The following CFAP57 variants were observed in gnomAD, a reference collection of about 807,000 sequenced individuals.
CFAP57 encodes the protein cilia and flagella associated protein 57, also known as cilia- and flagella-associated protein 57.
In CFAP57, 116 loss-of-function variants were observed where a neutral mutation model predicts 146.8. The observed-to-expected ratio is 0.79, with a 90% CI of 0.68 to 0.92. The LOEUF (loss-of-function observed/expected upper bound fraction) is 0.92. Among genes scored for constraint, CFAP57 ranks in the 40% least tolerant of loss-of-function variants. The probability of loss-of-function intolerance (pLI) is 0.00; values close to 1 mark genes in which losing one functional copy is unlikely to be tolerated. For synonymous variants in CFAP57, 518 were observed against 552.8 expected (o/e 0.94, Z 0.88); for missense variants, 1,377 against 1,527.2 (o/e 0.90, Z 1.64).
In CFAP57 at chr1:43,254,193, C is replaced by T. The variant is rs777014995; in HGVS notation, c.*2C>T. The T allele has an allele frequency of 1.3e-6, 2 of 1,545,678 alleles. No homozygotes were observed. Among genetic ancestry groups the T allele is most frequent in the South Asian group, 1.2e-5 (1 of 83,736 alleles). On this transcript the variant is annotated 3_prime_UTR_variant, in exon 23 of 23. Coordinates refer to ENST00000372492, the MANE Select transcript of CFAP57 (RefSeq NM_001378189.1). ...GACTTAGAGGTGAAGACCAACTGAC[C>T]CCCTCTGGTGAGCCATCTCCAGCCA...
In CFAP57 at chr1:43,185,277, G is replaced by C. The variant is rs376767106; in HGVS notation, c.890G>C (p.Cys297Ser). Residue 297 changes from cysteine (C) to serine (S), a missense_variant, in exon 5 of 23, where the codon TGT (cysteine) becomes TCT (serine). Cys to Ser is a moderately radical substitution (Grantham distance 112). Coordinates refer to ENST00000372492, the MANE Select transcript of CFAP57 (RefSeq NM_001378189.1). ...GCAGCCTATTCAAAGGGATTTGCCTGTTCTGCTGGGCCAGGGAGAGTTCTG... is the reference window on the plus strand; with the variant it reads ...GCAGCCTATTCAAAGGGATTTGCCTCTTCTGCTGGGCCAGGGAGAGTTCTG... Reference protein sequence around the residue: ...AIAAYSKGFACSAGPGRVLLF... With the variant: ...AIAAYSKGFASSAGPGRVLLF... The C allele has an allele frequency of 7.4e-6, 12 of 1,614,034 alleles. No individual in the cohort carries two copies. Among genetic ancestry groups the C allele is most frequent in the Non-Finnish European group, 1.0e-5 (12 of 1,180,050 alleles).
Position 43,253,983 on chromosome 1 carries a change from G to T in CFAP57, c.3545G>T (p.Ser1182Ile). 6.4e-7 allele frequency: 1 copy of T among 1,550,566 alleles called. No individual in the cohort carries two copies. ...GTCCTGTTGTCTCTTACAGAACCCA[G>T]CAGGGACATGCTCAGCACAGCTCCC... ...RPQEVSETEP[S>I]RDMLSTAPTA... is the part of the protein sequence containing the mutation. The change falls in exon 23 of 23, where the codon AGC (serine) becomes ATC (isoleucine). Residue 1182 changes from serine (S) to isoleucine (I), a missense_variant. Coordinates refer to ENST00000372492, the MANE Select transcript of CFAP57 (RefSeq NM_001378189.1).
At position 43,215,368 on chromosome 1, in the gene CFAP57, G is replaced by A. The variant is rs1644793782; in HGVS notation, c.2043G>A (p.Val681=). 26 of 1,550,958 alleles carry A rather than the reference G, an allele frequency of 1.7e-5. No individual in the cohort carries two copies. Among genetic ancestry groups the A allele is most frequent in the Non-Finnish European group, 2.2e-5 (25 of 1,147,106 alleles). ...DGRGIKRERE[V]GFAEEVLVTK... is the part of the protein sequence containing the mutation. ...GGGGAATCAAGCGAGAGAGGGAGGTGGGCTTTGCCGAAGAGGTGCTTGTGA... is the reference window on the plus strand; with the variant it reads ...GGGGAATCAAGCGAGAGAGGGAGGTAGGCTTTGCCGAAGAGGTGCTTGTGA... Residue 681 remains valine (V), a synonymous_variant, in exon 12 of 23, where the codon GTG becomes GTA. Coordinates refer to ENST00000372492, the MANE Select transcript of CFAP57 (RefSeq NM_001378189.1).
At chr1:43,193,900 A>G (rs1325647608) in intron 6 of CFAP57, among the ~76,000 whole-genome samples, 1 of 152,016 alleles carries the variant, frequency 6.6e-6, no homozygotes, top group African/African-American at 2.4e-5. Flanking sequence ...CCCACCCACC[A>G]TTTGTGTGCT....
chr1:43,206,679 G>A (rs1393125857), intron 9 of CFAP57, 41 bp from the exon 10 acceptor site: 1 of 1,607,964 alleles, frequency 6.2e-7, no homozygotes, highest in Admixed American at 1.7e-5. Flanking sequence ...GGGTGTAAGT[G>A]TGTGTACACT....
rs10890244 is a variant in CFAP57 at position 43,209,346 on chromosome 1, T to C, written c.1756-397T>C. Among the ~76,000 whole-genome samples the C allele has an allele frequency of 2.0e-5, 3 of 152,102 alleles. No homozygotes were observed. The East Asian group carries it at 5.8e-4, about 29-fold the overall frequency. On this transcript the variant is annotated intron_variant, in intron 10 of 22. Transcript: ENST00000372492. ...ACTGGAGCCCACCCAGGTACATGAG[T>C]TGAAGCAAATGCCTTTCACACAGAT...
At chr1:43,224,540 C>G (rs977783573) in intron 17 of CFAP57, among the ~76,000 whole-genome samples, 1 of 152,218 alleles carries the variant, frequency 6.6e-6, no homozygotes, top group African/African-American at 2.4e-5. Context: ...CTCCACTGCT[C>G]CAGGCATCCT....
intron 2 of CFAP57, among the ~76,000 whole-genome samples, chr1:43,176,045 T>C (rs1394502219): frequency 6.6e-6 from 1 of 152,104 alleles, no homozygotes. Flanking sequence ...CCATCTTATA[T>C]CACCAGGGGC....
Position 43,209,899 on chromosome 1 carries a change from G to A in CFAP57, c.1912G>A (p.Ala638Thr). ...QKEFNEYQAH[A>T]GPITKMLLTF... ...GGAATTCAATGAGTACCAGGCCCAT[G>A]CCGGTCCTATCACCAAGGTGAGCAG... is the stretch of plus-strand genomic sequence containing the variant. The change falls in exon 11 of 23, where the codon GCC becomes ACC. Residue 638 changes from alanine (A) to threonine (T), a missense_variant. Physicochemically the swap from Ala to Thr is moderately conservative, Grantham distance 58 (BLOSUM62 0). Coordinates refer to ENST00000372492, the MANE Select transcript of CFAP57 (RefSeq NM_001378189.1). 1 of 1,614,252 alleles carries A rather than the reference G, an allele frequency of 6.2e-7. No individual in the cohort carries two copies. Among genetic ancestry groups the A allele is most frequent in the East Asian group, 2.2e-5 (1 of 44,886 alleles).
chr1:43,185,394 C>G (rs1473099873), intron 5 of CFAP57, 38 bp downstream of exon 5: 1 of 1,587,366 alleles, frequency 6.3e-7, no homozygotes. Flanking sequence ...AAATGGGGGT[C>G]CTATTGGCAT....
chr1:43,182,255 A>G (rs1015544450), intron 3 of CFAP57, among the ~76,000 whole-genome samples: 2 of 152,202 alleles, frequency 1.3e-5, no homozygotes, highest in African/African-American at 2.4e-5. Context: ...GTGATGTAAC[A>G]TGGTAGGTCT....
Position 43,192,054 on chromosome 1 carries a change from CTGTT to C in CFAP57, c.1122+5200_1122+5203del, listed in dbSNP as rs199854281. On this transcript the variant is annotated intron_variant, in intron 6 of 22. Transcript: ENST00000372492. ...TATTTGTGAGTTTTCCAGTTTCTTT[CTGTT>C]TGTTATTAATTATTAATTTAATTAC... 6.7e-3 allele frequency among the ~76,000 whole-genome samples: 1,014 copies of C among 150,230 alleles called. 22 individuals are homozygous for C. Among genetic ancestry groups the C allele is most frequent in the Admixed American group, 0.039 (594 of 15,236 alleles).
Position 43,199,453 on chromosome 1 carries a change from A to G in CFAP57, c.1492A>G (p.Thr498Ala), listed in dbSNP as rs776009936. Residue 498 changes from threonine to alanine, a missense_variant, in exon 9 of 23, where the codon ACC (threonine) becomes GCC (alanine). Coordinates refer to ENST00000372492, the MANE Select transcript of CFAP57 (RefSeq NM_001378189.1). ...AVNGNVIHVYTTTSLENISSL... is the reference protein window; with the variant it reads ...AVNGNVIHVYATTSLENISSL... ...CAATGGAAATGTGATTCACGTTTACACCACCACGAGCCTAGAGAACATCTC... is the reference window on the plus strand; with the variant it reads ...CAATGGAAATGTGATTCACGTTTACGCCACCACGAGCCTAGAGAACATCTC... The G allele has an allele frequency of 1.2e-6, 2 of 1,614,160 alleles. No homozygotes were observed. The highest frequency in any genetic ancestry group is 1.7e-6 in the Non-Finnish European group (2 of 1,180,026).
chr1:43,214,504 T>C (rs1014507539), intron 11 of CFAP57, among the ~76,000 whole-genome samples: 49 of 152,238 alleles, frequency 3.2e-4, no homozygotes, highest in African/African-American at 1.0e-3. Context: ...ACAGTTTGTA[T>C]AGCCATTCAC....
Position 43,181,824 on chromosome 1 carries a change from G to A in CFAP57, c.448G>A (p.Asp150Asn). The change falls in exon 3 of 23, where the codon GAC (aspartate) becomes AAC (asparagine). Residue 150 changes from aspartate (D) to asparagine (N), a missense_variant. Transcript: ENST00000372492. ...GAAAGTAATGGCCATTGTTAGAATC[G>A]ACACTCAGAACAACCCTGTCTACCA... ...KQKVMAIVRIDTQNNPVYQVS... is the reference protein window; with the variant it reads ...KQKVMAIVRINTQNNPVYQVS... The A allele has an allele frequency of 6.2e-7, 1 of 1,614,122 alleles. No homozygotes were observed. Among genetic ancestry groups the A allele is most frequent in the Non-Finnish European group, 8.5e-7 (1 of 1,180,032 alleles).
chr1:43,177,466 C>T (rs1645216329), intron 2 of CFAP57, among the ~76,000 whole-genome samples: 2 of 152,032 alleles, frequency 1.3e-5, no homozygotes, highest in Admixed American at 6.5e-5. Context: ...TGGAGATGCT[C>T]AGTAAGCAGG....
chr1:43,175,624 A>G (rs1645141720), intron 2 of CFAP57, among the ~76,000 whole-genome samples: 1 of 151,526 alleles, frequency 6.6e-6, no homozygotes, highest in Non-Finnish European at 1.5e-5. Flanking sequence ...CATCCTCCCC[A>G]CCTTAACCTC....
chr1:43,207,188 G>C (rs903446612), intron 10 of CFAP57, among the ~76,000 whole-genome samples: 3 of 152,084 alleles, frequency 2.0e-5, no homozygotes, highest in Admixed American at 2.0e-4. Context: ...TTTACTTGCT[G>C]TCTGTAACTT....
intron 17 of CFAP57, among the ~76,000 whole-genome samples, chr1:43,224,422 G>T (rs1645165095): frequency 6.6e-6 from 1 of 152,244 alleles, no homozygotes; most frequent in Non-Finnish European, 1.5e-5. Flanking sequence ...GGGGGCCTGA[G>T]AACCCAGTGT....
Sources: allele counts gnomAD v4.1 joint callset (sites outside exome capture counted in the v4.1 genomes callset), GRCh38; gene constraint gnomAD v4.1.1; transcripts MANE v1.5; gene names NCBI Gene and HGNC (gene_info 2026-07-23, HGNC 2026-07-21).